Variants in ZSCAN26 observed in about 807,000 individuals in gnomAD.
The protein encoded by ZSCAN26 is zinc finger and SCAN domain containing 26.
A neutral mutation model predicts 23.0 loss-of-function variants in ZSCAN26; 26 were observed. The ratio of observed to expected loss-of-function variants is 1.13; its 90% CI spans 0.83 to 1.57. ZSCAN26 has a LOEUF of 1.57. Ranked by LOEUF, ZSCAN26 falls within the 40% of genes most tolerant of loss-of-function variation. The pLI is 0.00. For missense variants in ZSCAN26, 528 were observed against 568.5 expected, an observed-to-expected ratio of 0.93 and a Z score of 0.72; for synonymous variants, 180 against 202.5, an observed-to-expected ratio of 0.89 and a Z score of 0.94.
At chr6:28,271,259 ATAAC>A (rs1196799251) in intron 1 of ZSCAN26, among the ~76,000 whole-genome samples, 25 of 152,230 alleles carry the variant, frequency 1.6e-4, no homozygotes, top group African/African-American at 4.6e-4. Flanking sequence ...TTTCCCAGCC[ATAAC>A]TAACTACTAC....
intron 1 of ZSCAN26, among the ~76,000 whole-genome samples, chr6:28,270,764 G>A (rs1052681824): frequency 3.3e-5 from 5 of 152,194 alleles, no homozygotes; most frequent in Admixed American, 6.5e-5. Flanking sequence ...CATTTCCTAT[G>A]GCAGGCTAGC....
In ZSCAN26 at chr6:28,276,817, A is replaced by G; in HGVS notation, c.1161A>G (p.Arg387=). 6.2e-7 allele frequency: 1 copy of G among 1,613,952 alleles called. No individual in the cohort carries two copies. The highest frequency in any genetic ancestry group is 8.5e-7 in the Non-Finnish European group (1 of 1,179,868). The change falls in exon 4 of 4, where the codon AGA becomes AGG. Residue 387 remains arginine (R), a synonymous_variant. Coordinates refer to ENST00000421553, the MANE Select transcript of ZSCAN26 (RefSeq NM_001023560.4). ...SQALLLTHHQ[R]IHSHSKSHQC... The stretch of plus-strand genomic sequence containing the variant: ...CCTTACTCCTCACCCACCATCAGAG[A>G]ATCCATAGTCACTCCAAAAGCCATC...
intron 1 of ZSCAN26, chr6:28,267,495 A>C (rs1761494806): frequency 6.6e-6 from 1 of 152,120 alleles, no homozygotes; most frequent in Admixed American, 6.5e-5. Flanking sequence ...AGAAATCTGA[A>C]GGAGGTGGGT....
At chr6:28,267,720 C>CTCATT (rs1761504068) in intron 1 of ZSCAN26, among the ~76,000 whole-genome samples, 1 of 151,934 alleles carries the variant, frequency 6.6e-6, no homozygotes, top group Non-Finnish European at 1.5e-5. Flanking sequence ...AGAACTGTAT[C>CTCATT]GTGTAAGGAA....
Position 28,272,664 on chromosome 6 carries a change from C to T in ZSCAN26, c.421-6C>T. 1.9e-6 allele frequency: 3 copies of T among 1,587,128 alleles called. No individual in the cohort carries two copies. Among genetic ancestry groups the T allele is most frequent in the African/African-American group, 1.3e-5 (1 of 74,400 alleles). On this transcript the variant is annotated splice_region_variant and splice_polypyrimidine_tract_variant and intron_variant, in intron 2 of 3. Transcript: ENST00000421553. ...ATTATGCCTCCATATACCTAATTGT[C>T]CCTAGGACCCAGACCAGCCAAAGAA...
At chr6:28,272,975 G>A (rs994771752) in intron 3 of ZSCAN26, among the ~76,000 whole-genome samples, 188 bp downstream of exon 3, 2 of 152,138 alleles carry the variant, frequency 1.3e-5, no homozygotes, top group Non-Finnish European at 2.9e-5. Flanking sequence ...TCACAAATGC[G>A]AAATAATTGT....
intron 1 of ZSCAN26, among the ~76,000 whole-genome samples, chr6:28,269,762 A>T (rs1346628558): frequency 6.6e-6 from 1 of 152,192 alleles, no homozygotes; most frequent in Non-Finnish European, 1.5e-5. Context: ...AGGCCCACCA[A>T]CATTATGGAG....
chr6:28,276,502 T>C lies in ZSCAN26; in HGVS notation c.846T>C (p.Gly282=), dbSNP rs753014507. ...GHKKVLSREK[G]HQCHECGKAF... ...AGAAAGTCCTCTCTAGAGAGAAAGG[T>C]CATCAGTGTCATGAGTGTGGGAAAG... is the stretch of plus-strand genomic sequence containing the variant. The change falls in exon 4 of 4, where the codon GGT becomes GGC. Residue 282 remains glycine (G), a synonymous_variant. Transcript: ENST00000421553. 13 of 1,613,758 alleles carry C rather than the reference T, an allele frequency of 8.1e-6. No homozygotes were observed. The highest frequency in any genetic ancestry group is 1.3e-5 in the African/African-American group (1 of 74,916).
intron 1 of ZSCAN26, among the ~76,000 whole-genome samples, chr6:28,270,667 C>A (rs1761644778): frequency 6.6e-6 from 1 of 152,162 alleles, no homozygotes; most frequent in South Asian, 2.1e-4. Flanking sequence ...CTACATTAGC[C>A]CTTTCTAGTT....
rs369045087 is a variant in ZSCAN26, at chr6:28,277,015, T to C, written c.1359T>C (p.Cys453=). The change falls in exon 4 of 4, where the codon TGT becomes TGC. Residue 453 remains cysteine (C), a synonymous_variant. Coordinates refer to ENST00000421553, the MANE Select transcript of ZSCAN26 (RefSeq NM_001023560.4). ...RIHNEEKPYQ[C]SECGEAFRQR... is the part of the protein sequence containing the mutation. The stretch of plus-strand genomic sequence containing the variant: ...ACAATGAAGAAAAACCCTATCAGTG[T>C]AGTGAATGTGGAGAAGCCTTCAGGC... 8 of 1,613,880 alleles carry C rather than the reference T, an allele frequency of 5.0e-6. No individual in the cohort carries two copies. Among genetic ancestry groups the C allele is most frequent in the Non-Finnish European group, 5.9e-6 (7 of 1,179,872 alleles).
chr6:28,277,269 C>A lies in ZSCAN26; in HGVS notation c.*173C>A. ...TTTCCTTGAAGTCAGCTTTGGACCA[C>A]AATAATTTCACTGTAGATGATATGC... On this transcript the variant is annotated 3_prime_UTR_variant, in exon 4 of 4. Transcript: ENST00000421553. 3.2e-6 allele frequency: 2 copies of A among 631,030 alleles called. No homozygotes were observed. Among genetic ancestry groups the A allele is most frequent in the Non-Finnish European group, 5.4e-6 (2 of 367,136 alleles). 39.1% of individuals were successfully genotyped at this position (631,030 alleles called of 1,614,324 possible).
intron 3 of ZSCAN26, among the ~76,000 whole-genome samples, chr6:28,275,438 T>A (rs1761892405): frequency 6.6e-6 from 1 of 152,242 alleles, no homozygotes; most frequent in Non-Finnish European, 1.5e-5. Context: ...AACATTTGTT[T>A]AATGTCTGTT....
intron 1 of ZSCAN26, among the ~76,000 whole-genome samples, chr6:28,269,300 G>A (rs1159338034): frequency 3.3e-5 from 5 of 151,678 alleles, no homozygotes; most frequent in South Asian, 2.1e-4. Flanking sequence ...TAAAAAATAC[G>A]AATACAGGTA....
rs1313554322 is a variant in ZSCAN26 at position 28,277,127 on chromosome 6, G to T, written c.*31G>T. ...TGTTCTCTCCTTGTAGAACATCAGA[G>T]AAGGCACATTGACTAGCAAACAGCA... On this transcript the variant is annotated 3_prime_UTR_variant, in exon 4 of 4. Coordinates refer to ENST00000421553, the MANE Select transcript of ZSCAN26 (RefSeq NM_001023560.4). The T allele has an allele frequency of 5.7e-6, 9 of 1,586,166 alleles. No homozygotes were observed. The highest frequency in any genetic ancestry group is 7.7e-6 in the Non-Finnish European group (9 of 1,168,530).
At chr6:28,268,083 T>C (rs944383313) in intron 1 of ZSCAN26, among the ~76,000 whole-genome samples, 11 of 152,094 alleles carry the variant, frequency 7.2e-5, no homozygotes, top group African/African-American at 2.7e-4. Flanking sequence ...GATCTGAGGT[T>C]TAGCTTTGGT....
At chr6:28,272,422 A>T in intron 2 of ZSCAN26, 83 bp downstream of exon 2, 1 of 1,401,332 alleles carries the variant, frequency 7.1e-7, no homozygotes, top group Non-Finnish European at 9.5e-7. Context: ...CATCAGCGGA[A>T]GGAGAATTAC....
chr6:28,274,009 C>T (rs150739554), intron 3 of ZSCAN26, among the ~76,000 whole-genome samples: 425 of 152,262 alleles, frequency 2.8e-3, no homozygotes, highest in African/African-American at 7.1e-3. Context: ...GTGCAAGCCA[C>T]TCGCCCAGCC....
At position 28,277,747 on chromosome 6, in the gene ZSCAN26, A is replaced by G. The variant is rs1026223177; in HGVS notation, c.*651A>G. The G allele has an allele frequency of 2.0e-5, 3 of 152,190 alleles. No homozygotes were observed. The highest frequency in any genetic ancestry group is 2.0e-4 in the Admixed American group (3 of 15,276). The allele number at this position is 152,190 out of a possible 1,614,324, so 9.4% of individuals were successfully genotyped here. ...TCCCATCCCCATTCCCCACCACATT[A>G]TGTCAAGATTCAAGTTATAAATTAA... On this transcript the variant is annotated 3_prime_UTR_variant, in exon 4 of 4. Coordinates refer to ENST00000421553, the MANE Select transcript of ZSCAN26 (RefSeq NM_001023560.4).
At position 28,277,108 on chromosome 6, in the gene ZSCAN26, C is replaced by G. The variant is rs907476339; in HGVS notation, c.*12C>G. 3 of 1,605,588 alleles carry G rather than the reference C, an allele frequency of 1.9e-6. No homozygotes were observed. The African/African-American group carries it at 4.0e-5, about 22-fold the overall frequency. ...ACAAACTGGCTTGATGAGGTGTTCT[C>G]TCCTTGTAGAACATCAGAGAAGGCA... is the stretch of plus-strand genomic sequence containing the variant. On this transcript the variant is annotated 3_prime_UTR_variant, in exon 4 of 4. Coordinates refer to ENST00000421553, the MANE Select transcript of ZSCAN26 (RefSeq NM_001023560.4).
Sources: gnomAD v4.1 joint callset for allele counts (sites outside exome capture counted in the v4.1 genomes callset) on GRCh38, gnomAD v4.1.1 for gene constraint, MANE v1.5 for transcripts, NCBI Gene and HGNC (gene_info 2026-07-23, HGNC 2026-07-21) for gene names.